The following KAZN variants were observed in gnomAD, a reference collection of about 807,000 sequenced individuals.
KAZN encodes the protein kazrin, periplakin interacting protein, also known as kazrin.
A neutral mutation model predicts 87.4 loss-of-function variants in KAZN; 40 were observed. That is an observed-to-expected ratio of 0.46 (90% CI 0.36 to 0.60). The LOEUF is 0.60. Ranked by LOEUF, KAZN falls within the 20% of genes least tolerant of loss-of-function variation. The pLI, the probability that KAZN is intolerant of heterozygous loss-of-function variation, is 0.00. For missense variants in KAZN, 898 were observed against 1,073.9 expected, an observed-to-expected ratio of 0.84 and a Z score of 2.29; for synonymous variants, 466 against 458.3, an observed-to-expected ratio of 1.02 and a Z score of -0.22.
chr1:14,261,700 C>T (rs1046756763), intron 2 of KAZN, among the ~76,000 whole-genome samples: 7 of 152,218 alleles, frequency 4.6e-5, no homozygotes, highest in East Asian at 3.9e-4. Context: ...CCTCCCAGTC[C>T]GATTGGTATT....
At chr1:14,106,266 G>A (rs1644372273) in intron 1 of KAZN, among the ~76,000 whole-genome samples, 1 of 152,212 alleles carries the variant, frequency 6.6e-6, no homozygotes, top group South Asian at 2.1e-4. Context: ...TTTCCTTGCA[G>A]AGGAAACAAA....
At chr1:14,604,224 C>T (rs2148606426) in intron 1 of KAZN, among the ~76,000 whole-genome samples, 1 of 152,314 alleles carries the variant, frequency 6.6e-6, no homozygotes, top group East Asian at 1.9e-4. Context: ...AGTCATTGCA[C>T]TGCCTTGGTG....
intron 1 of KAZN, among the ~76,000 whole-genome samples, chr1:14,750,186 T>C (rs1252872693): frequency 2.0e-5 from 3 of 152,166 alleles, no homozygotes; most frequent in East Asian, 1.9e-4. Flanking sequence ...AACATATTAT[T>C]TCATAATGAA....
rs1451468839 is a variant in KAZN, at chr1:15,006,822, C to T, written c.419-27927C>T. ...CTGTAATCCCAGCACTTTGGGAGGCCGAGGCAGGCGGATCACGAGGTCAGA... is the reference window on the plus strand; with the variant it reads ...CTGTAATCCCAGCACTTTGGGAGGCTGAGGCAGGCGGATCACGAGGTCAGA... On this transcript the variant is annotated intron_variant, in intron 2 of 14. Coordinates refer to ENST00000376030, the MANE Select transcript of KAZN (RefSeq NM_201628.3). Among the ~76,000 whole-genome samples the T allele has an allele frequency of 4.0e-5, 6 of 151,894 alleles. No individual in the cohort carries two copies. In the East Asian group the frequency reaches 5.9e-4, roughly 15 times the overall value.
At chr1:14,800,343 A>G (rs907066653) in intron 1 of KAZN, among the ~76,000 whole-genome samples, 2 of 152,238 alleles carry the variant, frequency 1.3e-5, no homozygotes, top group African/African-American at 4.8e-5. Flanking sequence ...AATGTCCAAC[A>G]AAAGGTGAAT....
At chr1:15,037,693 G>A (rs1303378654) in intron 3 of KAZN, among the ~76,000 whole-genome samples, 1 of 152,116 alleles carries the variant, frequency 6.6e-6, no homozygotes, top group Non-Finnish European at 1.5e-5. Flanking sequence ...CCCCTCACCT[G>A]CCACTCCCTG....
At chr1:14,508,458 T>C (rs1553181557) in intron 2 of KAZN, among the ~76,000 whole-genome samples, 2 of 152,166 alleles carry the variant, frequency 1.3e-5, no homozygotes, top group Non-Finnish European at 2.9e-5. Context: ...AAGTTAAAAA[T>C]ATAATAATAA....
intron 4 of KAZN, among the ~76,000 whole-genome samples, chr1:15,048,288 G>A (rs1479698325): frequency 6.6e-6 from 1 of 152,212 alleles, no homozygotes; most frequent in East Asian, 1.9e-4. Flanking sequence ...ATGAAGGTGG[G>A]CACCCTGAGG....
intron 2 of KAZN, among the ~76,000 whole-genome samples, chr1:14,553,137 A>G (rs80351982): frequency 0.015 from 2,208 of 152,276 alleles, 27 homozygotes; most frequent in Middle Eastern, 0.031. Flanking sequence ...CATTTTGGGA[A>G]GCCGAGGCGG....
At chr1:14,382,728 T>C (rs1661486047) in intron 2 of KAZN, among the ~76,000 whole-genome samples, 1 of 147,806 alleles carries the variant, frequency 6.8e-6, no homozygotes, top group South Asian at 2.3e-4. Context: ...TTGTTGGACA[T>C]TTGGGTTGGT....
rs138121842 is a variant in KAZN at position 13,964,979 on chromosome 1, G to T, written c.91+71223G>T. The stretch of plus-strand genomic sequence containing the variant: ...GGTGTAGATAAGAGGGTGCCAGGTG[G>T]AGGGCATGGCTAGAGCAAAGGCCCT... On this transcript the variant is annotated intron_variant, in intron 1 of 16. Transcript: ENST00000636203. 2.0e-4 allele frequency among the ~76,000 whole-genome samples: 30 copies of T among 151,604 alleles called. 1 individual carries two copies. The East Asian group carries it at 5.7e-3, about 29-fold the overall frequency.
chr1:14,877,566 C>G (rs1178867921), intron 1 of KAZN, among the ~76,000 whole-genome samples: 1 of 152,172 alleles, frequency 6.6e-6, no homozygotes, highest in Non-Finnish European at 1.5e-5. Flanking sequence ...ACCACAAGTC[C>G]TTGGTCACGG....
chr1:14,193,141 A>C (rs1321724385), intron 2 of KAZN, among the ~76,000 whole-genome samples: 1 of 152,150 alleles, frequency 6.6e-6, no homozygotes, highest in Non-Finnish European at 1.5e-5. Flanking sequence ...CTTGTGAAGA[A>C]GGTGCCTTGC....
At chr1:14,803,621 G>A (rs1646111129) in intron 1 of KAZN, among the ~76,000 whole-genome samples, 1 of 152,242 alleles carries the variant, frequency 6.6e-6, no homozygotes, top group African/African-American at 2.4e-5. Flanking sequence ...CTCTCCAACA[G>A]AAATTAGGCA....
At chr1:14,689,016 A>G (rs1572229220) in intron 1 of KAZN, among the ~76,000 whole-genome samples, 1 of 152,116 alleles carries the variant, frequency 6.6e-6, no homozygotes, top group South Asian at 2.1e-4. Context: ...CAACATGACA[A>G]AACCCCATCT....
chr1:14,010,873 G>A (rs1388426609), intron 1 of KAZN, among the ~76,000 whole-genome samples: 1 of 152,172 alleles, frequency 6.6e-6, no homozygotes, highest in Non-Finnish European at 1.5e-5. Context: ...CATTTAAATG[G>A]CCATTCTTAA....
intron 2 of KAZN, among the ~76,000 whole-genome samples, chr1:14,537,655 C>T (rs992715445): frequency 6.6e-6 from 1 of 152,204 alleles, no homozygotes; most frequent in Non-Finnish European, 1.5e-5. Flanking sequence ...TTCCCCCTAC[C>T]TCGCCAGGTT....
intron 2 of KAZN, among the ~76,000 whole-genome samples, chr1:14,466,321 T>G (rs1434407769): frequency 7.5e-6 from 1 of 133,780 alleles, no homozygotes; most frequent in Non-Finnish European, 1.7e-5. Context: ...GAACTTCAAG[T>G]TTTTATAAGG....
At chr1:14,858,558 G>C (rs1162088619) in intron 1 of KAZN, among the ~76,000 whole-genome samples, 3 of 152,136 alleles carry the variant, frequency 2.0e-5, no homozygotes, top group Non-Finnish European at 2.9e-5. Context: ...ACAGACGTTT[G>C]GGTCGTTTCC....
Sources: gnomAD v4.1 joint callset for allele counts (sites outside exome capture counted in the v4.1 genomes callset) on GRCh38, gnomAD v4.1.1 for gene constraint, MANE v1.5 for transcripts, NCBI Gene and HGNC (gene_info 2026-07-23, HGNC 2026-07-21) for gene names.